Variants in DOCK2 observed in about 807,000 individuals in gnomAD.
The protein encoded by DOCK2 is dedicator of cytokinesis protein 2.
DOCK2 carries 87 observed loss-of-function variants against 248.9 expected under a neutral mutation model. The observed-to-expected ratio is 0.35, with a 90% CI of 0.29 to 0.42. DOCK2 has a LOEUF of 0.42. Among genes scored for constraint, DOCK2 ranks in the 10% least tolerant of loss-of-function variants. DOCK2 has a pLI of 1.00. For synonymous variants in DOCK2, 805 were observed against 821.6 expected (o/e 0.98, Z 0.35); for missense variants, 1,747 against 2,300.2 (o/e 0.76, Z 4.92).
intron 26 of DOCK2, among the ~76,000 whole-genome samples, chr5:169,829,371 A>T (rs1247703180): frequency 6.6e-6 from 1 of 152,240 alleles, no homozygotes; most frequent in Non-Finnish European, 1.5e-5. Context: ...TCTTGTCCTC[A>T]TTCAAACAAG....
rs143029376 is a variant in DOCK2 at position 169,859,478 on chromosome 5, C to T, written c.2799+18626C>T. 4.5e-3 allele frequency among the ~76,000 whole-genome samples: 688 copies of T among 152,248 alleles called. 8 individuals are homozygous for T. The highest frequency in any genetic ancestry group is 0.015 in the African/African-American group (642 of 41,540). ...TTTCTTGCAAGCAATGCTTGATGGG[C>T]GTAGTGATCATAAAACATCTTTGTT... On this transcript the variant is annotated intron_variant, in intron 27 of 51. Coordinates refer to ENST00000520908, the MANE Select transcript of DOCK2 (RefSeq NM_004946.3).
intron 22 of DOCK2, among the ~76,000 whole-genome samples, chr5:169,722,195 T>A (rs1211856789): frequency 6.6e-6 from 1 of 152,236 alleles, no homozygotes; most frequent in Non-Finnish European, 1.5e-5. Context: ...ACAAAGCCCC[T>A]TGCAGTGCCT....
chr5:169,720,183 T>A (rs1013818112), intron 22 of DOCK2, among the ~76,000 whole-genome samples: 2 of 152,198 alleles, frequency 1.3e-5, no homozygotes, highest in Non-Finnish European at 2.9e-5. Flanking sequence ...TCGGGTATTC[T>A]AGGTTTGAGA....
At chr5:169,930,887 A>C (rs960319108) in intron 27 of DOCK2, among the ~76,000 whole-genome samples, 2 of 152,174 alleles carry the variant, frequency 1.3e-5, no homozygotes, top group African/African-American at 4.8e-5. Flanking sequence ...TTAGCCATAC[A>C]CATAAATACA....
chr5:169,691,853 A>T (rs984422674), intron 9 of DOCK2, among the ~76,000 whole-genome samples: 5 of 130,640 alleles, frequency 3.8e-5, no homozygotes, highest in African/African-American at 1.1e-4. Context: ...TTATTTATTT[A>T]TTTTTATTTA....
intron 26 of DOCK2, among the ~76,000 whole-genome samples, chr5:169,818,356 G>A (rs754111323): frequency 6.6e-6 from 1 of 152,172 alleles, no homozygotes; most frequent in Non-Finnish European, 1.5e-5. Flanking sequence ...CACATTTATT[G>A]AGCAGTCAAT....
chr5:170,063,780 G>T (rs1180064955), intron 44 of DOCK2, among the ~76,000 whole-genome samples: 2 of 152,202 alleles, frequency 1.3e-5, no homozygotes, highest in African/African-American at 4.8e-5. Flanking sequence ...ACAGCAAAAA[G>T]AGGTGGATAT....
chr5:169,728,655 A>G (rs940424890), intron 22 of DOCK2, among the ~76,000 whole-genome samples: 1 of 152,202 alleles, frequency 6.6e-6, no homozygotes, highest in African/African-American at 2.4e-5. Context: ...CATCTTTCCT[A>G]ATATCTGGTC....
intron 33 of DOCK2, among the ~76,000 whole-genome samples, 170 bp from the exon 34 acceptor site, chr5:170,027,693 C>T (rs2113830928): frequency 6.6e-6 from 1 of 152,296 alleles, no homozygotes; most frequent in Middle Eastern, 3.4e-3. Context: ...TCTCTGGGCA[C>T]TCCAAAAAGG....
At chr5:169,839,451 C>T (rs1445103616) in intron 26 of DOCK2, among the ~76,000 whole-genome samples, 1 of 152,114 alleles carries the variant, frequency 6.6e-6, no homozygotes, top group Non-Finnish European at 1.5e-5. Flanking sequence ...AACTTCAGAC[C>T]CAGAGCTTCT....
intron 33 of DOCK2, among the ~76,000 whole-genome samples, chr5:170,022,346 C>T (rs537714532): frequency 2.0e-5 from 3 of 152,328 alleles, no homozygotes; most frequent in Admixed American, 6.5e-5. Context: ...GGGGGCTGAA[C>T]AAGAGGCAAC....
intron 27 of DOCK2, among the ~76,000 whole-genome samples, chr5:169,873,729 G>GT (rs1475957084): frequency 6.6e-6 from 1 of 152,168 alleles, no homozygotes; most frequent in Non-Finnish European, 1.5e-5. Flanking sequence ...TTTTTCTCTG[G>GT]TTAGGTAATA....
intron 1 of DOCK2, among the ~76,000 whole-genome samples, chr5:169,642,261 G>T (rs774246482): frequency 2.6e-5 from 4 of 152,128 alleles, no homozygotes; most frequent in Non-Finnish European, 4.4e-5. Flanking sequence ...ATATTTGTTG[G>T]GTGTGTGTGC....
At chr5:169,656,327 T>C (rs988548184) in intron 2 of DOCK2, among the ~76,000 whole-genome samples, 45 of 152,084 alleles carry the variant, frequency 3.0e-4, no homozygotes, top group African/African-American at 1.1e-3. Flanking sequence ...TAGTGGATTT[T>C]TTTTTTTTTT....
intron 29 of DOCK2, among the ~76,000 whole-genome samples, chr5:169,991,160 G>A (rs770027508): frequency 2.0e-5 from 3 of 152,216 alleles, no homozygotes; most frequent in Admixed American, 6.5e-5. Flanking sequence ...GCGCCTGTAG[G>A]ACTCTGTGTG....
intron 17 of DOCK2, among the ~76,000 whole-genome samples, chr5:169,713,491 T>C (rs1561627442): frequency 6.6e-6 from 1 of 152,170 alleles, no homozygotes; most frequent in Admixed American, 6.5e-5. Context: ...CATTATTCCA[T>C]ATTATCTGCT....
chr5:169,919,056 T>C (rs1775033220), intron 27 of DOCK2, among the ~76,000 whole-genome samples: 1 of 152,136 alleles, frequency 6.6e-6, no homozygotes, highest in African/African-American at 2.4e-5. Flanking sequence ...TGGTCAAGGG[T>C]GACTTTAACC....
At chr5:169,759,430 G>A (rs1420295555) in intron 23 of DOCK2, among the ~76,000 whole-genome samples, 1 of 152,238 alleles carries the variant, frequency 6.6e-6, no homozygotes, top group East Asian at 1.9e-4. Context: ...ATAAGGTGTG[G>A]AAACAGAATT....
At chr5:170,054,990 A>G (rs1196209938) in intron 41 of DOCK2, among the ~76,000 whole-genome samples, 1 of 152,234 alleles carries the variant, frequency 6.6e-6, no homozygotes, top group East Asian at 1.9e-4. Context: ...TCTGCAATTG[A>G]TTTGAGAGCT....
Sources: allele counts gnomAD v4.1 joint callset (sites outside exome capture counted in the v4.1 genomes callset), GRCh38; gene constraint gnomAD v4.1.1; transcripts MANE v1.5; gene names NCBI Gene and HGNC (gene_info 2026-07-23, HGNC 2026-07-21).